The following HBS1L variants were observed in gnomAD, a reference collection of about 807,000 sequenced individuals.
HBS1L encodes the protein HBS1 like translational GTPase.
HBS1L carries 55 observed loss-of-function variants against 88.9 expected under a neutral mutation model. That is an observed-to-expected ratio of 0.62 (90% confidence interval 0.50 to 0.77). HBS1L has a LOEUF of 0.77. HBS1L is among the 30% of genes least tolerant of loss of function. HBS1L has a pLI of 0.00. For synonymous variants in HBS1L, 267 were observed against 288.5 expected, an observed-to-expected ratio of 0.93 and a Z score of 0.76; for missense variants, 741 against 829.3, an observed-to-expected ratio of 0.89 and a Z score of 1.31.
chr6:135,033,420 G>A (rs1334689380), intron 4 of HBS1L, among the ~76,000 whole-genome samples: 3 of 152,134 alleles, frequency 2.0e-5, no homozygotes, highest in Non-Finnish European at 4.4e-5. Context: ...AAGGGTGGAA[G>A]GTGGAAAGGT....
At chr6:134,995,098 G>T (rs545937330) in intron 7 of HBS1L, among the ~76,000 whole-genome samples, 3 of 45,912 alleles carry the variant, frequency 6.5e-5, no homozygotes, top group African/African-American at 1.6e-4. Flanking sequence ...AATACTCTAG[G>T]GACCACAGAC....
chr6:135,048,649 C>T (rs1776986553), intron 2 of HBS1L, among the ~76,000 whole-genome samples: 1 of 152,356 alleles, frequency 6.6e-6, no homozygotes, highest in South Asian at 2.1e-4. Context: ...CCTGAACTTA[C>T]TACCTTCTTG....
At position 134,986,150 on chromosome 6, in the gene HBS1L, G is replaced by A. The variant is rs1168608472; in HGVS notation, c.1339C>T (p.Leu447Phe). The stretch of plus-strand genomic sequence containing the variant: ...CTTGTGATTAGATTTTCACCACTGA[G>A]ACCACTTGTAGGAATAAAACCTACA... The part of the protein sequence containing the change: ...SDVGFIPTSG[L>F]SGENLITRSQ... The change falls in exon 11 of 18, where the codon CTC (leucine) becomes TTC (phenylalanine). Residue 447 changes from leucine (L) to phenylalanine (F), a missense_variant. This residue lies in a region of HBS1L where 556 missense variants were observed against 598.4 expected (regional missense o/e 0.93). Transcript: ENST00000367837. 5 of 1,592,772 alleles carry A rather than the reference G, an allele frequency of 3.1e-6. No homozygotes were observed. Among genetic ancestry groups the A allele is most frequent in the Non-Finnish European group, 4.3e-6 (5 of 1,161,678 alleles).
chr6:134,984,850 T>C (rs1400446208), intron 12 of HBS1L, among the ~76,000 whole-genome samples: 3 of 152,160 alleles, frequency 2.0e-5, no homozygotes, highest in East Asian at 3.9e-4. Context: ...AATAATTCTT[T>C]ATATTACATT....
intron 17 of HBS1L, 93 bp from the exon 18 acceptor site, chr6:134,965,383 A>T (rs1201625639): frequency 3.7e-5 from 31 of 848,162 alleles, no homozygotes; most frequent in Non-Finnish European, 5.8e-5. Context: ...AAGAATTATT[A>T]TATCAAGAGA....
chr6:134,969,214 T>C (rs367817284), intron 16 of HBS1L, 24 bp downstream of exon 16: 3 of 1,484,740 alleles, frequency 2.0e-6, no homozygotes, highest in African/African-American at 2.8e-5. Context: ...TGCTTGTTTA[T>C]CATTTCTGTA....
At chr6:135,032,116 T>C (rs1776403697) in intron 4 of HBS1L, among the ~76,000 whole-genome samples, 1 of 152,000 alleles carries the variant, frequency 6.6e-6, no homozygotes, top group African/African-American at 2.4e-5. Flanking sequence ...GAATTCTAAA[T>C]GCTAAATACC....
chr6:135,015,642 C>T (rs187940855), intron 4 of HBS1L, among the ~76,000 whole-genome samples: 43 of 152,236 alleles, frequency 2.8e-4, no homozygotes, highest in African/African-American at 9.9e-4. Flanking sequence ...AGTGCAGTAG[C>T]GTGATCTTGG....
At position 135,022,923 on chromosome 6, in the gene HBS1L, GA is replaced by G. The variant is rs564104233; in HGVS notation, c.430+16649del. 4.4e-3 allele frequency among the ~76,000 whole-genome samples: 581 copies of G among 132,314 alleles called. 2 individuals are homozygous for G. The highest frequency in any genetic ancestry group is 0.012 in the Middle Eastern group (3 of 254). The allele number at this position is 132,314 out of a possible 152,430, so 86.8% of individuals were successfully genotyped here. On this transcript the variant is annotated intron_variant, in intron 4 of 17. Transcript: ENST00000367837. ...CTCATAATACATTTGACCTAAGCAG[GA>G]AAAAAAAAAAAAGAGGTTGCATCTC... is the stretch of plus-strand genomic sequence containing the variant.
intron 4 of HBS1L, among the ~76,000 whole-genome samples, chr6:135,030,857 C>T (rs7452033): frequency 1.8e-4 from 27 of 151,956 alleles, no homozygotes; most frequent in Admixed American, 1.7e-3. Context: ...ACTTGTAATC[C>T]CAAAATCACT....
intron 15 of HBS1L, among the ~76,000 whole-genome samples, chr6:134,971,981 A>G (rs903500887): frequency 3.3e-5 from 5 of 152,216 alleles, no homozygotes; most frequent in African/African-American, 1.2e-4. Context: ...GAGGCAATGT[A>G]TAGATCTTAT....
chr6:134,983,690 G>A (rs755915824), intron 12 of HBS1L: 1 of 152,184 alleles, frequency 6.6e-6, no homozygotes. Flanking sequence ...GAGAATGAGT[G>A]AAAAGGTTTG....
intron 2 of HBS1L, among the ~76,000 whole-genome samples, chr6:135,043,557 AGTCAATG>A (rs1776818101): frequency 6.6e-6 from 1 of 152,250 alleles, no homozygotes; most frequent in Non-Finnish European, 1.5e-5. Context: ...TCATTGTAAA[AGTCAATG>A]GCCTTACAGA....
In HBS1L at chr6:135,031,934, A is replaced by G. The variant is rs576717216; in HGVS notation, c.430+7639T>C. On this transcript the variant is annotated intron_variant, in intron 4 of 17. Transcript: ENST00000367837. ...ATCCCCCTGCCTCAGCCTCCCAAAC[A>G]GCTCAGACTACAGGTACATGCCACC... Among the ~76,000 whole-genome samples the G allele has an allele frequency of 3.8e-3, 577 of 150,804 alleles. 3 individuals carry two copies. The highest frequency in any genetic ancestry group is 0.013 in the African/African-American group (516 of 41,070).
chr6:134,997,000 G>C (rs1775307690), intron 6 of HBS1L, 58 bp from the exon 7 acceptor site: 1 of 1,244,500 alleles, frequency 8.0e-7, no homozygotes, highest in African/African-American at 1.5e-5. Context: ...TCACATTGAG[G>C]CATTGCATAA....
rs764275747 is a variant in HBS1L at position 134,986,693 on chromosome 6, G to A, written c.1305+43C>T. On this transcript the variant is annotated intron_variant, in intron 10 of 17. Coordinates refer to ENST00000367837, the MANE Select transcript of HBS1L (RefSeq NM_006620.4). ...GTTTTTCCTCTCATACCAGTAAGAT[G>A]ACTTAAGGAAAGTAATAACAAATAA... The A allele has an allele frequency of 1.3e-5, 13 of 1,029,814 alleles. No individual in the cohort carries two copies. The Admixed American group carries it at 2.9e-4, about 23-fold the overall frequency. The allele number at this position is 1,029,814 out of a possible 1,614,324, so 63.8% of individuals were successfully genotyped here.
At chr6:135,043,955 G>A (rs377079235) in intron 2 of HBS1L, among the ~76,000 whole-genome samples, 5 of 152,058 alleles carry the variant, frequency 3.3e-5, no homozygotes, top group South Asian at 2.1e-4. Context: ...TATAAAGTCC[G>A]ATAACACCAA....
rs190872030 is a variant in HBS1L, at chr6:135,049,806, A to C, written c.109+776T>G. ...AGGCTGGTCTCGAACTCCTGACCTC[A>C]GGTGATCCACCTGCCTCGGCCTCCC... On this transcript the variant is annotated intron_variant, in intron 2 of 17. Transcript: ENST00000367837. Among the ~76,000 whole-genome samples the C allele has an allele frequency of 1.9e-3, 288 of 152,324 alleles. 2 individuals carry two copies. Among genetic ancestry groups the C allele is most frequent in the African/African-American group, 6.4e-3 (265 of 41,580 alleles).
intron 2 of HBS1L, among the ~76,000 whole-genome samples, chr6:135,043,279 A>C (rs2327580): frequency 0.47 from 70,956 of 152,030 alleles, 16,879 homozygotes; most frequent in South Asian, 0.56. Context: ...AGAAATATAG[A>C]TATAATATTC....
Sources: gnomAD v4.1 joint callset for allele counts (sites outside exome capture counted in the v4.1 genomes callset) on GRCh38, gnomAD v4.1.1 for gene constraint, gnomAD v4.1.1 regional missense constraint, MANE v1.5 for transcripts, NCBI Gene and HGNC (gene_info 2026-07-23, HGNC 2026-07-21) for gene names.